Variants in HSD17B12 observed in about 807,000 individuals in gnomAD.
HSD17B12 encodes the protein very-long-chain 3-oxoacyl-CoA reductase.
A neutral mutation model predicts 39.3 loss-of-function variants in HSD17B12; 32 were observed. That is an observed-to-expected ratio of 0.81 (90% confidence interval 0.61 to 1.09). The LOEUF is 1.09. Among genes scored for constraint, HSD17B12 ranks in the 50% least tolerant of loss-of-function variants. HSD17B12 has a pLI of 0.00. For synonymous variants in HSD17B12, 150 were observed against 146.7 expected (o/e 1.02, Z -0.16); for missense variants, 342 against 382.9 (o/e 0.89, Z 0.89).
rs1241367352 is a variant in HSD17B12 at position 43,701,309 on chromosome 11, C to CA, written c.160+20322_160+20323insA. Reference sequence around the variant, plus strand: ...GGTTGTCTCTTCACTTTGATTGTATCCTTTGCTGTGCAGAAGCTTTTTAAG... The same window carrying CA: ...GGTTGTCTCTTCACTTTGATTGTATCACTTTGCTGTGCAGAAGCTTTTTAAG... On this transcript the variant is annotated intron_variant, in intron 1 of 10. Coordinates refer to ENST00000278353, the MANE Select transcript of HSD17B12 (RefSeq NM_016142.3). Among the ~76,000 whole-genome samples the CA allele has an allele frequency of 4.7e-4, 72 of 152,110 alleles. 1 individual carries two copies. Among genetic ancestry groups the CA allele is most frequent in the African/African-American group, 1.7e-3 (71 of 41,522 alleles).
chr11:43,724,301 TA>T (rs1177694868), intron 1 of HSD17B12, among the ~76,000 whole-genome samples: 1 of 151,054 alleles, frequency 6.6e-6, no homozygotes, highest in Non-Finnish European at 1.5e-5. Context: ...GGGACTGGCA[TA>T]AAATATTTTG....
chr11:43,597,762 G>A, the HSD17B12 span, among the ~76,000 whole-genome samples: 1 of 152,128 alleles, frequency 6.6e-6, no homozygotes, highest in Non-Finnish European at 1.5e-5. Flanking sequence ...AGCCTCCCGA[G>A]GAGCTGGAAC....
chr11:43,810,881 A>T (rs561592434), intron 4 of HSD17B12, among the ~76,000 whole-genome samples: 1 of 152,326 alleles, frequency 6.6e-6, no homozygotes, highest in Non-Finnish European at 1.5e-5. Context: ...AAGAAAACTC[A>T]CTAATAAACA....
intron 6 of HSD17B12, among the ~76,000 whole-genome samples, chr11:43,823,781 A>T (rs1951205687): frequency 6.6e-6 from 1 of 152,150 alleles, no homozygotes; most frequent in Non-Finnish European, 1.5e-5. Context: ...GAACTGAAAA[A>T]ACTGAACTGA....
chr11:43,689,035 A>G (rs1182406320), intron 1 of HSD17B12, among the ~76,000 whole-genome samples: 1 of 152,232 alleles, frequency 6.6e-6, no homozygotes, highest in African/African-American at 2.4e-5. Context: ...TTGAAAATCT[A>G]AAATTATGAA....
At chr11:43,773,079 C>G (rs1296102451) in intron 3 of HSD17B12, among the ~76,000 whole-genome samples, 1 of 152,128 alleles carries the variant, frequency 6.6e-6, no homozygotes, top group Admixed American at 6.5e-5. Flanking sequence ...CTACTGCACT[C>G]CATCCTGGGC....
the HSD17B12 span, among the ~76,000 whole-genome samples, chr11:43,568,793 T>C: frequency 6.6e-6 from 1 of 152,196 alleles, no homozygotes; most frequent in Non-Finnish European, 1.5e-5. Flanking sequence ...ATGGGTTTTT[T>C]AATTACATAA....
chr11:43,755,739 T>C (rs1218579521), intron 3 of HSD17B12, among the ~76,000 whole-genome samples: 1 of 152,248 alleles, frequency 6.6e-6, no homozygotes, highest in Non-Finnish European at 1.5e-5. Context: ...TTATGAGGTA[T>C]ATTTTGTTAC....
At chr11:43,682,614 C>T (rs895137938) in intron 1 of HSD17B12, among the ~76,000 whole-genome samples, 2 of 150,934 alleles carry the variant, frequency 1.3e-5, no homozygotes, top group African/African-American at 4.9e-5. Flanking sequence ...TATGATTTCC[C>T]AATTGACTTG....
At chr11:43,800,634 C>T (rs919627629) in intron 4 of HSD17B12, among the ~76,000 whole-genome samples, 2 of 152,100 alleles carry the variant, frequency 1.3e-5, no homozygotes, top group Admixed American at 1.3e-4. Context: ...TACTTTTTCC[C>T]CATTTCTAGA....
At chr11:43,620,805 T>A in the HSD17B12 span, among the ~76,000 whole-genome samples, 1 of 152,238 alleles carries the variant, frequency 6.6e-6, no homozygotes, top group African/African-American at 2.4e-5. Flanking sequence ...ACCTCTGAGC[T>A]GAGCTGCACT....
chr11:43,816,053 G>A (rs1951119741), intron 5 of HSD17B12, among the ~76,000 whole-genome samples: 1 of 152,112 alleles, frequency 6.6e-6, no homozygotes, highest in African/African-American at 2.4e-5. Context: ...TAGCAGAAAG[G>A]AAATTGCAAA....
rs184450839 is a variant in HSD17B12, at chr11:43,751,834, T to C, written c.207+877T>C. ...GACATAACAGTTCACCCCTAAATATTTCAGGATGAATCTTCTAAGAGCTAA... is the reference window on the plus strand; with the variant it reads ...GACATAACAGTTCACCCCTAAATATCTCAGGATGAATCTTCTAAGAGCTAA... On this transcript the variant is annotated intron_variant, in intron 2 of 10. Coordinates refer to ENST00000278353, the MANE Select transcript of HSD17B12 (RefSeq NM_016142.3). Among the ~76,000 whole-genome samples, 568 of 152,314 alleles carry C rather than the reference T, an allele frequency of 3.7e-3. 6 individuals are homozygous for C. Among genetic ancestry groups the C allele is most frequent in the African/African-American group, 0.013 (542 of 41,570 alleles).
chr11:43,853,419 T>C (rs1012613770), intron 9 of HSD17B12: 32 of 148,310 alleles, frequency 2.2e-4, no homozygotes, highest in African/African-American at 7.7e-4. Flanking sequence ...ATCCATAGAA[T>C]GGAACAGATC....
chr11:43,827,554 G>A (rs1951256833), intron 6 of HSD17B12, among the ~76,000 whole-genome samples: 1 of 152,082 alleles, frequency 6.6e-6, no homozygotes, highest in African/African-American at 2.4e-5. Flanking sequence ...TTTTCTAATT[G>A]TAAAAACAAT....
At chr11:43,629,838 T>C in the HSD17B12 span, among the ~76,000 whole-genome samples, 7 of 152,358 alleles carry the variant, frequency 4.6e-5, no homozygotes, top group Non-Finnish European at 1.0e-4. Context: ...GGATGCAGTG[T>C]TGAAATTATT....
At chr11:43,764,384 TTTC>T (rs1475725555) in intron 3 of HSD17B12, among the ~76,000 whole-genome samples, 10 of 152,272 alleles carry the variant, frequency 6.6e-5, no homozygotes, top group African/African-American at 2.4e-4. Context: ...TTTGAGTTTT[TTTC>T]TTCTTAGATT....
chr11:43,776,314 G>A (rs1419575549), intron 3 of HSD17B12, among the ~76,000 whole-genome samples: 1 of 152,072 alleles, frequency 6.6e-6, no homozygotes, highest in African/African-American at 2.4e-5. Flanking sequence ...GTGTGAGATG[G>A]TATCTCATTG....
At chr11:43,610,873 G>C in the HSD17B12 span, among the ~76,000 whole-genome samples, 1 of 152,100 alleles carries the variant, frequency 6.6e-6, no homozygotes, top group Non-Finnish European at 1.5e-5. Flanking sequence ...ATAATACCCA[G>C]GGAATATATC....
Sources: allele counts gnomAD v4.1 joint callset (sites outside exome capture counted in the v4.1 genomes callset), GRCh38; gene constraint gnomAD v4.1.1; transcripts MANE v1.5; gene names NCBI Gene and HGNC (gene_info 2026-07-23, HGNC 2026-07-21).